RTL4: variants seen among roughly 807,000 people sequenced by gnomAD.
RTL4 encodes the protein retrotransposon Gag like 4, also known as retrotransposon Gag-like protein 4.
In RTL4, 4 loss-of-function variants were observed where a neutral mutation model predicts 5.3. That is an observed-to-expected ratio of 0.75 (90% CI 0.37 to 1.72). RTL4 has a LOEUF of 1.72. Ranked by LOEUF, RTL4 falls within the 40% of genes most tolerant of loss-of-function variation. RTL4 has a pLI of 0.04. For synonymous variants in RTL4, 98 were observed against 87.3 expected (o/e 1.12, Z -0.68); for missense variants, 260 against 227.1 (o/e 1.14, Z -0.93).
the RTL4 span, among the ~76,000 whole-genome samples, chrX:112,358,062 T>G: frequency 9.0e-6 from 1 of 111,491 alleles, no homozygotes; most frequent in East Asian, 2.8e-4. Context: ...GGGTTTCTAC[T>G]GAATCATCCA....
the RTL4 span, among the ~76,000 whole-genome samples, chrX:112,211,063 A>G: frequency 8.9e-6 from 1 of 112,492 alleles, no homozygotes; most frequent in Non-Finnish European, 1.9e-5. Context: ...CCCCCTTCAG[A>G]AAATGACACC....
chrX:112,171,427 C>A, the RTL4 span, among the ~76,000 whole-genome samples: 2 of 111,687 alleles, frequency 1.8e-5, no homozygotes, highest in Admixed American at 1.9e-4. Context: ...GCCTCAATTT[C>A]AGAACTCTTT....
At chrX:112,451,009 T>G (rs749690095), upstream of RTL4, among the ~76,000 whole-genome samples, 1 of 111,595 alleles carries the variant, frequency 9.0e-6, no homozygotes, top group African/African-American at 3.2e-5. Context: ...AGTATGACTA[T>G]TCAGACATTT....
chrX:112,108,281 C>A, the RTL4 span, among the ~76,000 whole-genome samples: 2 of 111,931 alleles, frequency 1.8e-5, no homozygotes, highest in East Asian at 2.8e-4. Flanking sequence ...ATTTTGAATT[C>A]TTTGTGTAGC....
At chrX:112,105,573 T>C in the RTL4 span, among the ~76,000 whole-genome samples, 1 of 111,258 alleles carries the variant, frequency 9.0e-6, no homozygotes, top group Non-Finnish European at 1.9e-5. Flanking sequence ...TTCATCAGTA[T>C]CCTATAGTTT....
chrX:112,176,287 T>C, the RTL4 span, among the ~76,000 whole-genome samples: 3 of 112,028 alleles, frequency 2.7e-5, no homozygotes, highest in African/African-American at 6.5e-5. Context: ...ATCGTGAAAA[T>C]GGCCATACTG....
chrX:112,224,101 G>T, the RTL4 span, among the ~76,000 whole-genome samples: 4 of 110,738 alleles, frequency 3.6e-5, no homozygotes, highest in Admixed American at 9.7e-5. Flanking sequence ...CCCATAATTG[G>T]TCCTTATTGT....
chrX:112,229,642 G>T, the RTL4 span, among the ~76,000 whole-genome samples: 1 of 112,018 alleles, frequency 8.9e-6, no homozygotes, highest in South Asian at 3.8e-4. Flanking sequence ...TAACACTAAA[G>T]ATAATGGTTG....
chrX:112,174,414 T>C, the RTL4 span, among the ~76,000 whole-genome samples: 4 of 101,957 alleles, frequency 3.9e-5, no homozygotes, highest in African/African-American at 1.4e-4. Flanking sequence ...CATGAACTCA[T>C]CATTTTTTAT....
the RTL4 span, among the ~76,000 whole-genome samples, chrX:112,387,798 T>A: frequency 1.7e-3 from 187 of 112,136 alleles, no homozygotes; most frequent in African/African-American, 5.7e-3. Context: ...TGTGTACCAG[T>A]ACCATGCTGT....
the RTL4 span, among the ~76,000 whole-genome samples, chrX:112,355,703 A>T: frequency 9.0e-6 from 1 of 110,995 alleles, no homozygotes; most frequent in Non-Finnish European, 1.9e-5. Context: ...GATCCTGAGG[A>T]TGAATTTGAT....
the RTL4 span, among the ~76,000 whole-genome samples, chrX:112,168,363 T>A: frequency 8.9e-6 from 1 of 112,097 alleles, no homozygotes; most frequent in Non-Finnish European, 1.9e-5. Flanking sequence ...AACAACATTG[T>A]TTCCCAAACC....
the RTL4 span, among the ~76,000 whole-genome samples, chrX:112,245,855 T>A: frequency 8.9e-6 from 1 of 112,401 alleles, no homozygotes; most frequent in South Asian, 3.7e-4. Flanking sequence ...TGGTCTTTGA[T>A]GATGGTGACC....
chrX:112,223,202 A>G, the RTL4 span, among the ~76,000 whole-genome samples: 4 of 111,753 alleles, frequency 3.6e-5, no homozygotes, highest in Non-Finnish European at 7.5e-5. Context: ...GGAATTATAA[A>G]TATGAAAATT....
At chrX:112,222,853 A>G in the RTL4 span, among the ~76,000 whole-genome samples, 3 of 112,910 alleles carry the variant, frequency 2.7e-5, no homozygotes, top group African/African-American at 9.6e-5. Flanking sequence ...ACTGCTGACA[A>G]CTGTCTTGTT....
At chrX:112,418,168 A>G in the RTL4 span, among the ~76,000 whole-genome samples, 3 of 111,763 alleles carry the variant, frequency 2.7e-5, no homozygotes, top group East Asian at 8.5e-4. Context: ...ATAAACAAAT[A>G]AAATAAAATT....
the RTL4 span, among the ~76,000 whole-genome samples, chrX:112,346,477 A>G: frequency 8.9e-6 from 1 of 111,972 alleles, no homozygotes; most frequent in African/African-American, 3.2e-5. Flanking sequence ...AAGACAAAGA[A>G]GTCATACCCT....
the RTL4 span, among the ~76,000 whole-genome samples, chrX:112,115,946 C>A: frequency 2.7e-5 from 3 of 111,998 alleles, no homozygotes; most frequent in Non-Finnish European, 5.6e-5. Context: ...GCAGGGTCAA[C>A]CATCTTTTTG....
the RTL4 span, among the ~76,000 whole-genome samples, chrX:112,170,938 T>C: frequency 2.7e-5 from 3 of 111,899 alleles, no homozygotes; most frequent in Non-Finnish European, 5.6e-5. Context: ...CCTAGTTTAT[T>C]GAGAGTTTTT....
Sources: allele counts gnomAD v4.1 joint callset (sites outside exome capture counted in the v4.1 genomes callset), GRCh38; gene constraint gnomAD v4.1.1; transcripts MANE v1.5; gene names NCBI Gene and HGNC (gene_info 2026-07-23, HGNC 2026-07-21).